Variants in TBC1D22B observed in about 807,000 individuals in gnomAD.
The protein encoded by TBC1D22B is chromosome 6 open reading frame 197.
In TBC1D22B, 32 loss-of-function variants were observed where a neutral mutation model predicts 69.1. The ratio of observed to expected loss-of-function variants is 0.46; its 90% CI spans 0.35 to 0.62. The LOEUF (loss-of-function observed/expected upper bound fraction) is 0.62. Among genes scored for constraint, TBC1D22B ranks in the 20% least tolerant of loss-of-function variants. The probability of loss-of-function intolerance (pLI) is 0.00; values close to 1 mark genes in which losing one functional copy is unlikely to be tolerated. For missense variants in TBC1D22B, 462 were observed against 630.9 expected, an observed-to-expected ratio of 0.73 and a Z score of 2.87; for synonymous variants, 206 against 229.8, an observed-to-expected ratio of 0.90 and a Z score of 0.94.
chr6:37,288,620 G>C (rs1384658143), intron 7 of TBC1D22B, among the ~76,000 whole-genome samples: 2 of 151,894 alleles, frequency 1.3e-5, no homozygotes, highest in Non-Finnish European at 2.9e-5. Flanking sequence ...CTGTGCTACT[G>C]TGCCTGTGCT....
At chr6:37,290,229 C>T (rs1767132790) in intron 7 of TBC1D22B, among the ~76,000 whole-genome samples, 1 of 152,118 alleles carries the variant, frequency 6.6e-6, no homozygotes, top group South Asian at 2.1e-4. Flanking sequence ...CTGAGATTCT[C>T]CCAAGTCCAC....
chr6:37,273,935 G>C (rs906805619), intron 2 of TBC1D22B, among the ~76,000 whole-genome samples: 1 of 152,078 alleles, frequency 6.6e-6, no homozygotes, highest in East Asian at 1.9e-4. Context: ...CTTTACATTG[G>C]GTCTTCAATC....
intron 7 of TBC1D22B, among the ~76,000 whole-genome samples, chr6:37,290,971 G>A (rs910674344): frequency 1.3e-5 from 2 of 152,100 alleles, no homozygotes; most frequent in African/African-American, 4.8e-5. Context: ...AAGGCATTTG[G>A]GTTTGCTGTT....
intron 6 of TBC1D22B, among the ~76,000 whole-genome samples, chr6:37,286,361 G>A (rs1767005357): frequency 6.6e-6 from 1 of 151,196 alleles, no homozygotes; most frequent in Non-Finnish European, 1.5e-5. Context: ...TGTCGCCCAG[G>A]CTGGAGTGCA....
rs1241246481 is a variant in TBC1D22B, at chr6:37,257,884, G to A, written c.-34G>A. 1.4e-5 allele frequency: 23 copies of A among 1,609,794 alleles called. No homozygotes were observed. Among genetic ancestry groups the A allele is most frequent in the Non-Finnish European group, 1.9e-5 (22 of 1,178,210 alleles). Reference sequence around the variant, plus strand: ...GGGGCATCTCGCCGGGCAAACCCTTGGCCCGCCTACAAGGACTTCCCCCGG... The same window carrying A: ...GGGGCATCTCGCCGGGCAAACCCTTAGCCCGCCTACAAGGACTTCCCCCGG... On this transcript the variant is annotated 5_prime_UTR_variant, in exon 1 of 13. Transcript: ENST00000373491.
intron 12 of TBC1D22B, among the ~76,000 whole-genome samples, chr6:37,318,599 G>C (rs1768148915): frequency 6.6e-6 from 1 of 152,152 alleles, no homozygotes; most frequent in Non-Finnish European, 1.5e-5. Flanking sequence ...AGGGGACCAG[G>C]GCCCAGCCTT....
chr6:37,296,782 A>G (rs1767391751), intron 8 of TBC1D22B, among the ~76,000 whole-genome samples: 1 of 152,010 alleles, frequency 6.6e-6, no homozygotes, highest in African/African-American at 2.4e-5. Flanking sequence ...ATATATGTAT[A>G]CACACACACA....
At chr6:37,291,388 C>A in intron 8 of TBC1D22B, 31 bp downstream of exon 8, 1 of 1,443,830 alleles carries the variant, frequency 6.9e-7, no homozygotes, top group Non-Finnish European at 9.5e-7. Flanking sequence ...GCTGAACAAG[C>A]TATTGCTCTT....
At chr6:37,294,650 G>T (rs1400967945) in intron 8 of TBC1D22B, among the ~76,000 whole-genome samples, 1 of 152,166 alleles carries the variant, frequency 6.6e-6, no homozygotes, top group Non-Finnish European at 1.5e-5. Flanking sequence ...TACTTTGCCT[G>T]TGCTTTATAA....
intron 1 of TBC1D22B, among the ~76,000 whole-genome samples, chr6:37,263,976 ACTTTT>A (rs1269433150): frequency 1.2e-4 from 19 of 152,030 alleles, no homozygotes; most frequent in African/African-American, 4.1e-4. Context: ...CATTTTCTGT[ACTTTT>A]CTTTGTGTTT....
At chr6:37,315,524 T>C (rs1031354782) in intron 10 of TBC1D22B, among the ~76,000 whole-genome samples, 9 of 152,130 alleles carry the variant, frequency 5.9e-5, no homozygotes, top group African/African-American at 2.2e-4. Flanking sequence ...ACCACTGTAT[T>C]CCAGCCAGGG....
rs1193902264 is a variant in TBC1D22B at position 37,257,967 on chromosome 6, C to T, written c.50C>T (p.Pro17Leu). ...KQFWKRSAKL[P>L]GSIQPVYGAQ... ...TTTTGGAAGAGGAGCGCTAAGCTGC[C>T]GGGGAGGTGAGCCCAGGACGCTGAG... is the stretch of plus-strand genomic sequence containing the variant. The change falls in exon 1 of 13, where the codon CCG (proline) becomes CTG (leucine). Residue 17 changes from proline (P) to leucine (L), a missense_variant. By Grantham distance (98) the Pro-to-Leu change is moderately conservative. This residue lies in a region of TBC1D22B where 237 missense variants were observed against 255.4 expected (regional missense o/e 0.93). Transcript: ENST00000373491. 3.7e-6 allele frequency: 6 copies of T among 1,614,032 alleles called. No individual in the cohort carries two copies. Among genetic ancestry groups the T allele is most frequent in the Admixed American group, 3.3e-5 (2 of 60,012 alleles).
chr6:37,284,199 G>A lies in TBC1D22B; in HGVS notation c.673-137G>A, dbSNP rs1766934120. ...AATGAGGAGAGGGCAAAAAATGGGT[G>A]GCCAGAACCAAAAAGGGATTTACCC... is the stretch of plus-strand genomic sequence containing the variant. On this transcript the variant is annotated intron_variant, in intron 5 of 12. Coordinates refer to ENST00000373491, the MANE Select transcript of TBC1D22B (RefSeq NM_017772.4). 5 of 1,329,672 alleles carry A rather than the reference G, an allele frequency of 3.8e-6. No homozygotes were observed. The East Asian group carries it at 9.6e-5, about 26-fold the overall frequency. 82.4% of individuals were successfully genotyped at this position (1,329,672 alleles called of 1,614,324 possible).
chr6:37,323,796 A>C (rs946355022), intron 12 of TBC1D22B, among the ~76,000 whole-genome samples: 4 of 152,248 alleles, frequency 2.6e-5, no homozygotes, highest in Non-Finnish European at 5.9e-5. Context: ...AATCCTTCAC[A>C]CAAGGGTTCA....
intron 8 of TBC1D22B, among the ~76,000 whole-genome samples, chr6:37,302,251 G>C (rs1050805125): frequency 6.6e-5 from 10 of 152,316 alleles, no homozygotes; most frequent in Admixed American, 2.6e-4. Context: ...TGTAAAAGTG[G>C]GTCCTCTGCA....
At chr6:37,307,212 T>G (rs1767748410) in intron 8 of TBC1D22B, among the ~76,000 whole-genome samples, 1 of 152,244 alleles carries the variant, frequency 6.6e-6, no homozygotes, top group Non-Finnish European at 1.5e-5. Context: ...TAAGATGAAT[T>G]CTTGACAGTT....
chr6:37,281,474 A>G (rs1055524206), intron 3 of TBC1D22B, among the ~76,000 whole-genome samples: 1 of 152,208 alleles, frequency 6.6e-6, no homozygotes, highest in African/African-American at 2.4e-5. Context: ...GAACTGGTTG[A>G]TTTTGGTGGG....
rs1204875274 is a variant in TBC1D22B, at chr6:37,316,967, C to T, written c.1293+137C>T. On this transcript the variant is annotated intron_variant, in intron 11 of 12. Transcript: ENST00000373491. Reference sequence around the variant, plus strand: ...TTCCATGTCTGCTTTAGCCTCAGGGCAGGGCCTTTGCTAAGTCTCTTCAGA... The same window carrying T: ...TTCCATGTCTGCTTTAGCCTCAGGGTAGGGCCTTTGCTAAGTCTCTTCAGA... 2.0e-6 allele frequency: 3 copies of T among 1,513,176 alleles called. No homozygotes were observed. In the African/African-American group the frequency reaches 4.1e-5, roughly 21 times the overall value. 93.7% of individuals were successfully genotyped at this position (1,513,176 alleles called of 1,614,324 possible).
intron 8 of TBC1D22B, among the ~76,000 whole-genome samples, chr6:37,304,925 G>A (rs779300495): frequency 1.3e-5 from 2 of 152,232 alleles, no homozygotes; most frequent in Non-Finnish European, 2.9e-5. Context: ...TGCCATGCTG[G>A]CAAGTGTGGG....
Sources: allele counts gnomAD v4.1 joint callset (sites outside exome capture counted in the v4.1 genomes callset), GRCh38; gene constraint gnomAD v4.1.1; regional missense constraint gnomAD v4.1.1; transcripts MANE v1.5; gene names NCBI Gene and HGNC (gene_info 2026-07-23, HGNC 2026-07-21).